SORCS1: variants seen among roughly 807,000 people sequenced by gnomAD.
SORCS1 encodes the protein VPS10 domain-containing receptor SorCS1.
In SORCS1, 60 loss-of-function variants were observed where a neutral mutation model predicts 146.1. The ratio of observed to expected loss-of-function variants is 0.41; its 90% CI spans 0.33 to 0.51. The LOEUF (loss-of-function observed/expected upper bound fraction) is 0.51. Among genes scored for constraint, SORCS1 ranks in the 20% least tolerant of loss-of-function variants. The pLI is 0.21. For missense variants in SORCS1, 1,352 were observed against 1,487.6 expected (o/e 0.91, Z 1.50); for synonymous variants, 637 against 584.0 (o/e 1.09, Z -1.31).
intron 1 of SORCS1, among the ~76,000 whole-genome samples, chr10:107,126,316 A>G (rs1966708264): frequency 6.6e-6 from 1 of 152,194 alleles, no homozygotes; most frequent in South Asian, 2.1e-4. Flanking sequence ...ACCAGCCTAG[A>G]AAAATATGAC....
intron 1 of SORCS1, among the ~76,000 whole-genome samples, chr10:107,085,925 C>A (rs973699790): frequency 3.9e-5 from 6 of 152,206 alleles, no homozygotes; most frequent in African/African-American, 7.2e-5. Flanking sequence ...AAACCAAGGC[C>A]TTTTCCCCAC....
At position 106,949,097 on chromosome 10, in the gene SORCS1, C is replaced by A. The variant is rs143405547; in HGVS notation, c.626+7416G>T. Among the ~76,000 whole-genome samples, 51 of 152,310 alleles carry A rather than the reference C, an allele frequency of 3.3e-4. 1 individual carries two copies. Among genetic ancestry groups the A allele is most frequent in the Middle Eastern group, 3.4e-3 (1 of 294 alleles). ...CCACAATCCAGAACACCTCCGGATC[C>A]TGCCTGAACGCTTGACTAGCTCCCT... is the stretch of plus-strand genomic sequence containing the variant. On this transcript the variant is annotated intron_variant, in intron 2 of 25. Transcript: ENST00000263054.
chr10:106,604,284 T>TA (rs1846428921), intron 23 of SORCS1, among the ~76,000 whole-genome samples: 1 of 152,188 alleles, frequency 6.6e-6, no homozygotes, highest in Admixed American at 6.5e-5. Flanking sequence ...CCTTTATTTT[T>TA]ACCCATAAAG....
At chr10:106,810,590 C>G (rs556455722) in intron 3 of SORCS1, among the ~76,000 whole-genome samples, 2 of 152,286 alleles carry the variant, frequency 1.3e-5, no homozygotes, top group South Asian at 4.1e-4. Flanking sequence ...CTGGGCTTAA[C>G]AAATGTCTTT....
At chr10:106,757,594 T>C (rs527763270) in intron 5 of SORCS1, among the ~76,000 whole-genome samples, 4 of 152,352 alleles carry the variant, frequency 2.6e-5, no homozygotes, top group South Asian at 4.1e-4. Context: ...CATGGTACTA[T>C]GCAATTTACG....
chr10:106,651,050 G>A (rs1457580601), intron 18 of SORCS1, among the ~76,000 whole-genome samples: 1 of 152,110 alleles, frequency 6.6e-6, no homozygotes, highest in Non-Finnish European at 1.5e-5. Context: ...TCCAACTGAA[G>A]AATTTTTGGG....
chr10:106,843,115 G>A (rs921365367), intron 2 of SORCS1, among the ~76,000 whole-genome samples: 1 of 152,138 alleles, frequency 6.6e-6, no homozygotes, highest in Non-Finnish European at 1.5e-5. Flanking sequence ...TATGCAGTGA[G>A]AACACTTGAG....
chr10:107,059,449 A>C (rs1171891665), intron 1 of SORCS1, among the ~76,000 whole-genome samples: 1 of 152,158 alleles, frequency 6.6e-6, no homozygotes, highest in Non-Finnish European at 1.5e-5. Flanking sequence ...CACTGTTTAA[A>C]GGCATTATCT....
At chr10:106,701,053 T>C (rs1345967762) in intron 8 of SORCS1, among the ~76,000 whole-genome samples, 1 of 152,202 alleles carries the variant, frequency 6.6e-6, no homozygotes, top group Admixed American at 6.5e-5. Context: ...TAAAGTGGTG[T>C]AATATTTGCA....
chr10:106,984,393 C>CTTTTT (rs1956366553), intron 1 of SORCS1, among the ~76,000 whole-genome samples: 1 of 123,008 alleles, frequency 8.1e-6, no homozygotes. Context: ...TAGTGATTTC[C>CTTTTT]ATTTTTTTTT....
chr10:106,693,668 A>T (rs1221922734), intron 9 of SORCS1, among the ~76,000 whole-genome samples: 1 of 152,120 alleles, frequency 6.6e-6, no homozygotes, highest in Non-Finnish European at 1.5e-5. Flanking sequence ...TTCTTTGGTG[A>T]CTTAAAGAAA....
chr10:106,682,898 G>C (rs1335349188), intron 10 of SORCS1, among the ~76,000 whole-genome samples: 2 of 152,200 alleles, frequency 1.3e-5, no homozygotes, highest in African/African-American at 4.8e-5. Context: ...CTGACCTACA[G>C]AGGACAGAAT....
chr10:106,814,788 G>T (rs997142980), intron 3 of SORCS1, among the ~76,000 whole-genome samples: 1 of 151,624 alleles, frequency 6.6e-6, no homozygotes, highest in Admixed American at 6.6e-5. Context: ...GGTGGTGGGC[G>T]CCTGTAGTCC....
intron 1 of SORCS1, among the ~76,000 whole-genome samples, chr10:106,971,715 C>A (rs1289047446): frequency 6.6e-6 from 1 of 152,172 alleles, no homozygotes; most frequent in Non-Finnish European, 1.5e-5. Context: ...AGCTTTCATG[C>A]ACAGCTCTGT....
At chr10:107,177,083 C>G in the SORCS1 span, among the ~76,000 whole-genome samples, 1 of 152,046 alleles carries the variant, frequency 6.6e-6, no homozygotes, top group Admixed American at 6.6e-5. Flanking sequence ...TTTATACTTT[C>G]ATTATTGTGA....
intron 3 of SORCS1, among the ~76,000 whole-genome samples, chr10:106,802,926 C>T (rs112423312): frequency 0.015 from 2,282 of 152,302 alleles, 34 homozygotes; most frequent in Non-Finnish European, 0.019. Context: ...CCATCATGCC[C>T]GGCCTGACTT....
intron 1 of SORCS1, among the ~76,000 whole-genome samples, chr10:107,009,677 G>A (rs1036517711): frequency 6.6e-6 from 1 of 152,126 alleles, no homozygotes; most frequent in South Asian, 2.1e-4. Context: ...AAATACGCAA[G>A]ATTTAAAAAC....
chr10:106,726,451 C>G (rs1305840014), intron 6 of SORCS1, among the ~76,000 whole-genome samples: 1 of 141,258 alleles, frequency 7.1e-6, no homozygotes, highest in East Asian at 2.1e-4. Flanking sequence ...CCTGAGATGA[C>G]AGTTTGGCAT....
At position 106,978,073 on chromosome 10, in the gene SORCS1, A is replaced by G. The variant is rs1042825491; in HGVS notation, c.559-21493T>C. Among the ~76,000 whole-genome samples the G allele has an allele frequency of 3.3e-5, 5 of 152,238 alleles. No individual in the cohort carries two copies. In the East Asian group the frequency reaches 9.7e-4, roughly 29 times the overall value. ...ATTCTCCTGCCTCAGCCTCCTGAGT[A>G]GCTGGGATTATAGGCACCCACCATC... is the stretch of plus-strand genomic sequence containing the variant. On this transcript the variant is annotated intron_variant, in intron 1 of 25. Coordinates refer to ENST00000263054, the MANE Select transcript of SORCS1 (RefSeq NM_052918.5).
Sources: allele counts gnomAD v4.1 joint callset (sites outside exome capture counted in the v4.1 genomes callset), GRCh38; gene constraint gnomAD v4.1.1; transcripts MANE v1.5; gene names NCBI Gene and HGNC (gene_info 2026-07-23, HGNC 2026-07-21).